WDR59: variants seen among roughly 807,000 people sequenced by gnomAD.
WDR59 encodes GATOR2 complex protein WDR59.
Under a neutral mutation model 131.2 loss-of-function variants are expected in WDR59, and 100 were observed. The ratio of observed to expected loss-of-function variants is 0.76; its 90% CI spans 0.65 to 0.90. The LOEUF is 0.90. Ranked by LOEUF, WDR59 falls within the 40% of genes least tolerant of loss-of-function variation. The pLI, the probability that WDR59 is intolerant of heterozygous loss-of-function variation, is 0.00. For synonymous variants in WDR59, 601 were observed against 466.2 expected (o/e 1.29, Z -3.72); for missense variants, 1,203 against 1,262.2 (o/e 0.95, Z 0.71).
intron 8 of WDR59, among the ~76,000 whole-genome samples, chr16:74,931,968 T>C (rs1340759125): frequency 6.6e-6 from 1 of 152,010 alleles, no homozygotes; most frequent in Non-Finnish European, 1.5e-5. Context: ...CTTTTGCTCC[T>C]GTGTTATAAT....
chr16:74,983,472 CA>C (rs879938236), intron 1 of WDR59, among the ~76,000 whole-genome samples: 1 of 149,138 alleles, frequency 6.7e-6, no homozygotes. Context: ...GACTCTGTCT[CA>C]AAAAAAAAGG....
At chr16:74,980,699 G>A (rs1421416356) in intron 1 of WDR59, among the ~76,000 whole-genome samples, 1 of 152,118 alleles carries the variant, frequency 6.6e-6, no homozygotes, top group Non-Finnish European at 1.5e-5. Context: ...CAGACCAGGT[G>A]CAATGGCTCA....
chr16:74,950,402 G>A (rs1281170140), intron 4 of WDR59, among the ~76,000 whole-genome samples: 1 of 152,136 alleles, frequency 6.6e-6, no homozygotes, highest in Admixed American at 6.5e-5. Context: ...AACACATAAA[G>A]TAATCTTTAT....
At chr16:74,976,287 T>C (rs888563470) in intron 1 of WDR59, among the ~76,000 whole-genome samples, 2 of 152,132 alleles carry the variant, frequency 1.3e-5, no homozygotes, top group East Asian at 3.8e-4. Context: ...GGCAAAGCTG[T>C]TGCAATGCTG....
intron 8 of WDR59, among the ~76,000 whole-genome samples, chr16:74,932,037 C>T (rs1698545065): frequency 6.6e-6 from 1 of 150,636 alleles, no homozygotes; most frequent in South Asian, 2.1e-4. Context: ...TAATGAATAA[C>T]CTTTGAATAT....
At chr16:74,953,826 C>T (rs1349039801) in intron 3 of WDR59, among the ~76,000 whole-genome samples, 1 of 151,316 alleles carries the variant, frequency 6.6e-6, no homozygotes, top group Non-Finnish European at 1.5e-5. Context: ...AGGGCGAAAC[C>T]CTGTCTCTAC....
intron 1 of WDR59, among the ~76,000 whole-genome samples, chr16:74,978,757 T>C (rs1392053377): frequency 6.6e-6 from 1 of 152,166 alleles, no homozygotes; most frequent in Non-Finnish European, 1.5e-5. Flanking sequence ...GGATTTTTTT[T>C]TTTTAATCAC....
At chr16:74,912,017 C>T (rs1966118085) in intron 14 of WDR59, 181 bp downstream of exon 14, 1 of 756,966 alleles carries the variant, frequency 1.3e-6, no homozygotes, top group Non-Finnish European at 2.1e-6. Context: ...TTAAGAACCA[C>T]TGCTCTGATG....
intron 8 of WDR59, among the ~76,000 whole-genome samples, chr16:74,932,654 A>C (rs1233486233): frequency 1.3e-5 from 2 of 151,780 alleles, no homozygotes; most frequent in Admixed American, 1.3e-4. Flanking sequence ...ACACCAAGGT[A>C]ATTTGTTTAT....
chr16:74,952,179 G>T (rs2033040966), intron 3 of WDR59, among the ~76,000 whole-genome samples: 1 of 151,776 alleles, frequency 6.6e-6, no homozygotes, highest in African/African-American at 2.4e-5. Context: ...AAGAGGCTGG[G>T]CTTGGTGGCT....
rs371217223 is a variant in WDR59, at chr16:74,889,921, T to C, written c.2083-106A>G. 1,567 of 745,604 alleles carry C rather than the reference T, an allele frequency of 2.1e-3. 7 individuals carry two copies. Among genetic ancestry groups the C allele is most frequent in the Admixed American group, 4.0e-3 (136 of 33,870 alleles). 46.2% of individuals were successfully genotyped at this position (745,604 alleles called of 1,614,324 possible). ...ATATAAAACCTGATGCCTTGCTACA[T>C]TGGGGGCAGCAAAAGCTGGATCCTT... On this transcript the variant is annotated intron_variant, in intron 20 of 25. Coordinates refer to ENST00000262144, the MANE Select transcript of WDR59 (RefSeq NM_030581.4).
intron 21 of WDR59, among the ~76,000 whole-genome samples, chr16:74,889,303 C>T (rs554734191): frequency 1.1e-4 from 16 of 151,852 alleles, no homozygotes; most frequent in African/African-American, 2.9e-4. Flanking sequence ...AGGGTGAAAG[C>T]GTCGTGGTCT....
chr16:74,970,495 C>CAAAAAAAAAAAAAAAAAAA (rs746574195), intron 1 of WDR59, among the ~76,000 whole-genome samples: 26 of 33,376 alleles, frequency 7.8e-4, no homozygotes, highest in Middle Eastern at 0.026. Context: ...ACTCTGTCTC[C>CAAAAAAAAAAAAAAAAAAA]AAAAAAAAAA....
intron 17 of WDR59, among the ~76,000 whole-genome samples, chr16:74,904,877 G>A (rs1002591113): frequency 6.6e-6 from 1 of 152,090 alleles, no homozygotes; most frequent in African/African-American, 2.4e-5. Flanking sequence ...TGTTCACCAA[G>A]GCATCAATAC....
intron 2 of WDR59, among the ~76,000 whole-genome samples, chr16:74,961,498 G>A (rs1309761208): frequency 3.9e-5 from 6 of 152,126 alleles, no homozygotes; most frequent in South Asian, 2.1e-4. Context: ...TCTGACTGGC[G>A]AGAGATGGTC....
intron 1 of WDR59, chr16:74,984,541 C>G (rs1317766279): frequency 4.7e-6 from 1 of 211,250 alleles, no homozygotes; most frequent in East Asian, 1.1e-4. Flanking sequence ...AGTGTTTCAT[C>G]GAATTCACCC....
intron 8 of WDR59, among the ~76,000 whole-genome samples, chr16:74,934,827 G>A (rs1028248071): frequency 6.6e-6 from 1 of 151,676 alleles, no homozygotes; most frequent in Non-Finnish European, 1.5e-5. Flanking sequence ...TATAGACAAA[G>A]AGAAATATAA....
intron 18 of WDR59, among the ~76,000 whole-genome samples, chr16:74,898,237 C>A (rs1965383925): frequency 6.6e-6 from 1 of 152,150 alleles, no homozygotes; most frequent in Non-Finnish European, 1.5e-5. Context: ...GATCTTTCTG[C>A]ACTGGGGAAG....
At chr16:74,910,484 G>A (rs113885825) in intron 14 of WDR59, among the ~76,000 whole-genome samples, 1 of 152,062 alleles carries the variant, frequency 6.6e-6, no homozygotes, top group African/African-American at 2.4e-5. Context: ...GTAACAGAAG[G>A]ACTATTACTT....
Sources: gnomAD v4.1 joint callset for allele counts (sites outside exome capture counted in the v4.1 genomes callset) on GRCh38, gnomAD v4.1.1 for gene constraint, MANE v1.5 for transcripts, NCBI Gene and HGNC (gene_info 2026-07-23, HGNC 2026-07-21) for gene names.